The following SH3GL2 variants were observed in gnomAD, a reference collection of about 807,000 sequenced individuals.
SH3GL2 encodes SH3 domain containing GRB2 like 2, endophilin A1, also known as endophilin-A1.
SH3GL2 carries 24 observed loss-of-function variants against 46.0 expected under a neutral mutation model. The observed-to-expected ratio is 0.52, with a 90% CI of 0.38 to 0.73. The LOEUF is 0.73. Ranked by LOEUF, SH3GL2 falls within the 30% of genes least tolerant of loss-of-function variation. The pLI, the probability that SH3GL2 is intolerant of heterozygous loss-of-function variation, is 0.00. For synonymous variants in SH3GL2, 196 were observed against 147.1 expected, an observed-to-expected ratio of 1.33 and a Z score of -2.40; for missense variants, 413 against 424.2, an observed-to-expected ratio of 0.97 and a Z score of 0.23.
intron 1 of SH3GL2, among the ~76,000 whole-genome samples, chr9:17,619,409 G>A (rs1819079251): frequency 2.0e-5 from 3 of 152,230 alleles, no homozygotes; most frequent in South Asian, 2.1e-4. Flanking sequence ...GGGGCATGGT[G>A]GCTCACGCCT....
intron 5 of SH3GL2, among the ~76,000 whole-genome samples, chr9:17,789,000 A>T (rs1031330105): frequency 1.3e-5 from 2 of 152,178 alleles, no homozygotes; most frequent in Non-Finnish European, 2.9e-5. Context: ...TTCTCATGAG[A>T]TACCATTTCT....
intron 4 of SH3GL2, 70 bp downstream of exon 4, chr9:17,786,594 C>A (rs746364116): frequency 6.2e-5 from 92 of 1,490,952 alleles, no homozygotes; most frequent in Non-Finnish European, 8.2e-5. Flanking sequence ...GTAAGAAATT[C>A]TGTAGGGAAT....
chr9:17,623,438 C>T (rs574403114), intron 1 of SH3GL2, among the ~76,000 whole-genome samples: 2 of 152,084 alleles, frequency 1.3e-5, no homozygotes, highest in Admixed American at 1.3e-4. Context: ...AATGACCTAT[C>T]AATCTTAGGG....
rs149654727 is a variant in SH3GL2 at position 17,755,141 on chromosome 9, T to C, written c.115-6296T>C. On this transcript the variant is annotated intron_variant, in intron 2 of 8. Coordinates refer to ENST00000380607, the MANE Select transcript of SH3GL2 (RefSeq NM_003026.5). Reference sequence around the variant, plus strand: ...ATGGGTTTGTCATATATGGCACTTATTGTTTTGAGGTGCATTCCCTTAATA... The same window carrying C: ...ATGGGTTTGTCATATATGGCACTTACTGTTTTGAGGTGCATTCCCTTAATA... Among the ~76,000 whole-genome samples, 233 of 152,342 alleles carry C rather than the reference T, an allele frequency of 1.5e-3. 1 individual carries two copies. The highest frequency in any genetic ancestry group is 5.3e-3 in the African/African-American group (219 of 41,594).
At chr9:17,720,156 A>G (rs1821858897) in intron 1 of SH3GL2, among the ~76,000 whole-genome samples, 1 of 152,126 alleles carries the variant, frequency 6.6e-6, no homozygotes, top group African/African-American at 2.4e-5. Context: ...CCTCTCCCAA[A>G]TAAATTTAGT....
intron 3 of SH3GL2, among the ~76,000 whole-genome samples, chr9:17,783,304 CTGTT>C (rs765999441): frequency 6.6e-6 from 1 of 151,630 alleles, no homozygotes; most frequent in Non-Finnish European, 1.5e-5. Flanking sequence ...AGTGGTTTTC[CTGTT>C]TGTTTGTTTG....
chr9:17,667,545 AT>A (rs2117936014), intron 1 of SH3GL2, among the ~76,000 whole-genome samples: 1 of 152,362 alleles, frequency 6.6e-6, no homozygotes, highest in Admixed American at 6.5e-5. Context: ...TTATATGGAT[AT>A]AAAACATTTT....
chr9:17,728,021 G>C (rs1396707421), intron 1 of SH3GL2, among the ~76,000 whole-genome samples: 2 of 152,078 alleles, frequency 1.3e-5, no homozygotes, highest in South Asian at 2.1e-4. Context: ...AGCATAAAAG[G>C]GGTTTTCATT....
At chr9:17,757,094 C>T (rs1320856793) in intron 2 of SH3GL2, among the ~76,000 whole-genome samples, 1 of 152,142 alleles carries the variant, frequency 6.6e-6, no homozygotes, top group African/African-American at 2.4e-5. Context: ...GAGCATTTTT[C>T]CATATGTCTG....
chr9:17,697,191 T>A (rs1821224434), intron 1 of SH3GL2, among the ~76,000 whole-genome samples: 1 of 152,084 alleles, frequency 6.6e-6, no homozygotes, highest in Non-Finnish European at 1.5e-5. Context: ...TAGCTGGCTT[T>A]GCACCTTCAA....
At chr9:17,589,751 A>G (rs894679813) in intron 1 of SH3GL2, 10 of 152,248 alleles carry the variant, frequency 6.6e-5, no homozygotes, top group Non-Finnish European at 1.3e-4. Flanking sequence ...TTGTTCATTA[A>G]GTTGTTGAGG....
chr9:17,753,892 A>G (rs1822917246), intron 2 of SH3GL2, among the ~76,000 whole-genome samples: 1 of 152,208 alleles, frequency 6.6e-6, no homozygotes, highest in Admixed American at 6.5e-5. Context: ...AATCTTCTGC[A>G]TATGGCTAGC....
At chr9:17,738,577 G>GTGTGTGTGTATATACATACATAT (rs1563833802) in intron 1 of SH3GL2, among the ~76,000 whole-genome samples, 3 of 81,432 alleles carry the variant, frequency 3.7e-5, no homozygotes, top group African/African-American at 5.5e-5. Flanking sequence ...TATATATATA[G>GTGTGTGTGTATATACATACATAT]AGAGAGAGAG....
intron 1 of SH3GL2, among the ~76,000 whole-genome samples, chr9:17,636,627 T>A (rs10963174): frequency 0.025 from 3,735 of 152,334 alleles, 71 homozygotes; most frequent in Middle Eastern, 0.058. Flanking sequence ...ATTTTCCCAT[T>A]GTGCAAGTTT....
At chr9:17,704,253 C>T (rs1821411536) in intron 1 of SH3GL2, among the ~76,000 whole-genome samples, 1 of 151,974 alleles carries the variant, frequency 6.6e-6, no homozygotes, top group South Asian at 2.1e-4. Context: ...AAGATATCTA[C>T]AATGAGAATT....
chr9:17,737,519 G>A (rs1355750483), intron 1 of SH3GL2, among the ~76,000 whole-genome samples: 3 of 152,034 alleles, frequency 2.0e-5, no homozygotes, highest in African/African-American at 7.2e-5. Context: ...AGTTTGCACT[G>A]CTGGAAGCTA....
At chr9:17,775,228 G>A (rs1345092304) in intron 3 of SH3GL2, among the ~76,000 whole-genome samples, 1 of 151,936 alleles carries the variant, frequency 6.6e-6, no homozygotes, top group African/African-American at 2.4e-5. Context: ...TCTTTTCCAA[G>A]AACAAACTTT....
At chr9:17,771,632 C>G (rs968993257) in intron 3 of SH3GL2, among the ~76,000 whole-genome samples, 2 of 152,232 alleles carry the variant, frequency 1.3e-5, no homozygotes, top group African/African-American at 4.8e-5. Flanking sequence ...GGGACAGTTG[C>G]CTGCTTTGCC....
intron 1 of SH3GL2, among the ~76,000 whole-genome samples, chr9:17,583,243 A>G (rs1233638876): frequency 6.6e-6 from 1 of 152,136 alleles, no homozygotes; most frequent in East Asian, 1.9e-4. Context: ...TTTTTTAATG[A>G]GTTGGTTAGT....
Sources: allele counts gnomAD v4.1 joint callset (sites outside exome capture counted in the v4.1 genomes callset), GRCh38; gene constraint gnomAD v4.1.1; transcripts MANE v1.5; gene names NCBI Gene and HGNC (gene_info 2026-07-23, HGNC 2026-07-21).